Variants in AUTS2 observed in about 807,000 individuals in gnomAD.
The protein encoded by AUTS2 is autism susceptibility gene 2 protein.
AUTS2 carries 17 observed loss-of-function variants against 112.4 expected under a neutral mutation model. The observed-to-expected ratio is 0.15, with a 90% CI of 0.10 to 0.23. The LOEUF is 0.23. Ranked by LOEUF, AUTS2 falls within the 10% of genes least tolerant of loss-of-function variation. AUTS2 has a pLI of 1.00. For synonymous variants in AUTS2, 751 were observed against 702.7 expected (o/e 1.07, Z -1.09); for missense variants, 1,510 against 1,701.6 (o/e 0.89, Z 1.98).
At chr7:70,642,664 G>A (rs901383753) in intron 5 of AUTS2, among the ~76,000 whole-genome samples, 8 of 152,120 alleles carry the variant, frequency 5.3e-5, no homozygotes, top group African/African-American at 1.7e-4. Context: ...ATTCTCAGTG[G>A]AAGACATATC....
rs114785020 is a variant in AUTS2, at chr7:69,829,054, A to G, written c.310-70232A>G. Among the ~76,000 whole-genome samples, 442 of 152,320 alleles carry G rather than the reference A, an allele frequency of 2.9e-3. 4 individuals are homozygous for G. The highest frequency in any genetic ancestry group is 0.01 in the African/African-American group (428 of 41,570). ...GGTACCAAAACATACATATAGATCA[A>G]TGGAACAGAATAGAGACCTCAGAAA... On this transcript the variant is annotated intron_variant, in intron 1 of 18. Coordinates refer to ENST00000342771, the MANE Select transcript of AUTS2 (RefSeq NM_015570.4).
At chr7:70,601,218 G>T (rs1803457086) in intron 5 of AUTS2, among the ~76,000 whole-genome samples, 1 of 152,214 alleles carries the variant, frequency 6.6e-6, no homozygotes, top group Non-Finnish European at 1.5e-5. Flanking sequence ...CCATTCTAGT[G>T]AATGTGAAGT....
At chr7:69,933,163 T>G (rs1034109532) in intron 2 of AUTS2, among the ~76,000 whole-genome samples, 1 of 152,242 alleles carries the variant, frequency 6.6e-6, no homozygotes, top group Non-Finnish European at 1.5e-5. Context: ...CTTTAATGCT[T>G]CTTTAGAGTA....
intron 2 of AUTS2, among the ~76,000 whole-genome samples, chr7:69,995,274 A>G (rs1386559787): frequency 1.3e-5 from 2 of 152,156 alleles, no homozygotes; most frequent in Admixed American, 6.5e-5. Flanking sequence ...CCCTACCCCT[A>G]ACTTTATATA....
At chr7:70,461,979 C>T (rs990959723) in intron 5 of AUTS2, among the ~76,000 whole-genome samples, 1 of 152,118 alleles carries the variant, frequency 6.6e-6, no homozygotes, top group Non-Finnish European at 1.5e-5. Flanking sequence ...GGGCCGTGTG[C>T]GCTGGCTAAT....
intron 4 of AUTS2, among the ~76,000 whole-genome samples, chr7:70,346,109 A>T (rs1791485185): frequency 6.6e-6 from 1 of 152,090 alleles, no homozygotes; most frequent in Non-Finnish European, 1.5e-5. Flanking sequence ...TCCAAAAACT[A>T]TTTATTAAGC....
In AUTS2 at chr7:70,359,164, AG is replaced by A. The variant is rs141298247; in HGVS notation, c.661-76587del. Among the ~76,000 whole-genome samples the A allele has an allele frequency of 3.8e-3, 575 of 152,376 alleles. 5 individuals carry two copies. Among genetic ancestry groups the A allele is most frequent in the African/African-American group, 0.013 (553 of 41,588 alleles). ...AATGTTTTCAATTTCAAGAGTCCAG[AG>A]AAGAAACAAAGCATTATATTGACAT... On this transcript the variant is annotated intron_variant, in intron 4 of 18. Coordinates refer to ENST00000342771, the MANE Select transcript of AUTS2 (RefSeq NM_015570.4).
chr7:69,938,746 A>G (rs569130240), intron 2 of AUTS2, among the ~76,000 whole-genome samples: 1 of 152,354 alleles, frequency 6.6e-6, no homozygotes, highest in Non-Finnish European at 1.5e-5. Flanking sequence ...ACCAAAGTAC[A>G]TAGAGCCTGG....
intron 4 of AUTS2, among the ~76,000 whole-genome samples, chr7:70,417,116 G>T (rs1206722498): frequency 6.6e-6 from 1 of 152,222 alleles, no homozygotes; most frequent in African/African-American, 2.4e-5. Flanking sequence ...CAGACTCCGA[G>T]ATGGCAATCA....
At position 70,366,857 on chromosome 7, in the gene AUTS2, T is replaced by C. The variant is rs184057196; in HGVS notation, c.661-68895T>C. On this transcript the variant is annotated intron_variant, in intron 4 of 18. Coordinates refer to ENST00000342771, the MANE Select transcript of AUTS2 (RefSeq NM_015570.4). ...GAGTATGTCCAATACAGGGGGAGGA[T>C]TGAGTTGAAGATGAGAATAAGGAAG... Among the ~76,000 whole-genome samples the C allele has an allele frequency of 3.0e-3, 453 of 152,062 alleles. 4 individuals carry two copies. Among genetic ancestry groups the C allele is most frequent in the Middle Eastern group, 3.4e-3 (1 of 294 alleles).
At chr7:69,994,115 C>A (rs1448727021) in intron 2 of AUTS2, among the ~76,000 whole-genome samples, 1 of 152,008 alleles carries the variant, frequency 6.6e-6, no homozygotes, top group Non-Finnish European at 1.5e-5. Flanking sequence ...CCTGTTGTCC[C>A]AGCTACTTGG....
At chr7:70,689,466 A>G (rs1048615709) in intron 5 of AUTS2, among the ~76,000 whole-genome samples, 2 of 152,080 alleles carry the variant, frequency 1.3e-5, no homozygotes, top group Admixed American at 1.3e-4. Context: ...GATTCTTTGC[A>G]GTAGGTCCTC....
chr7:69,910,178 T>C (rs1395838869), intron 2 of AUTS2, among the ~76,000 whole-genome samples: 1 of 152,110 alleles, frequency 6.6e-6, no homozygotes, highest in African/African-American at 2.4e-5. Flanking sequence ...GGGATGTGAT[T>C]ATATGGATGT....
intron 1 of AUTS2, among the ~76,000 whole-genome samples, chr7:69,810,822 A>G (rs1320156568): frequency 6.6e-6 from 1 of 152,234 alleles, no homozygotes; most frequent in Non-Finnish European, 1.5e-5. Flanking sequence ...TTGGTTCATC[A>G]GATACTGTTT....
chr7:69,878,191 G>C (rs1296064450), intron 1 of AUTS2, among the ~76,000 whole-genome samples: 1 of 152,138 alleles, frequency 6.6e-6, no homozygotes, highest in Non-Finnish European at 1.5e-5. Context: ...GACATTTCCT[G>C]CATGACCAGA....
intron 5 of AUTS2, among the ~76,000 whole-genome samples, chr7:70,628,341 G>GTA (rs1371445721): frequency 1.7e-3 from 10 of 5,982 alleles, no homozygotes; most frequent in Non-Finnish European, 2.6e-3. Context: ...TATATATATA[G>GTA]TATATATATA....
chr7:70,685,396 C>G (rs773158045), intron 5 of AUTS2, among the ~76,000 whole-genome samples: 82 of 147,448 alleles, frequency 5.6e-4, no homozygotes, highest in Admixed American at 2.9e-3. Context: ...TAGCCTGAAC[C>G]AGGGAGGCGG....
intron 1 of AUTS2, among the ~76,000 whole-genome samples, chr7:69,879,221 A>C (rs1793933101): frequency 2.0e-5 from 3 of 151,742 alleles, no homozygotes; most frequent in African/African-American, 7.3e-5. Flanking sequence ...AGCTCACTGC[A>C]GCTTCCCTCC....
Position 69,599,584 on chromosome 7 carries a change from A to AT in AUTS2, c.-70_-69insT. 1 of 1,236,216 alleles carries AT rather than the reference A, an allele frequency of 8.1e-7. No homozygotes were observed. Among genetic ancestry groups the AT allele is most frequent in the South Asian group, 3.8e-5 (1 of 26,224 alleles). 76.6% of individuals were successfully genotyped at this position (1,236,216 alleles called of 1,614,324 possible). On this transcript the variant is annotated 5_prime_UTR_variant, in exon 1 of 19. Transcript: ENST00000342771. The surrounding 1 kb of genome is among the most constrained non-coding windows in gnomAD (Gnocchi z 7.0). Reference sequence around the variant, plus strand: ...GAAGGGGGAGGGAGGGCTCGGTGTCAATTTTTTTTTGTGTGGCTGCGGCCG... The same window carrying AT: ...GAAGGGGGAGGGAGGGCTCGGTGTCATATTTTTTTTTGTGTGGCTGCGGCCG...
Sources: allele counts gnomAD v4.1 joint callset (sites outside exome capture counted in the v4.1 genomes callset), GRCh38; gene constraint gnomAD v4.1.1; non-coding constraint Gnocchi (gnomAD v3.1); transcripts MANE v1.5; gene names NCBI Gene and HGNC (gene_info 2026-07-23, HGNC 2026-07-21).